The following AUTS2 variants were observed in gnomAD, a reference collection of about 807,000 sequenced individuals.
The protein encoded by AUTS2 is autism susceptibility gene 2 protein.
Under a neutral mutation model 112.4 loss-of-function variants are expected in AUTS2, and 17 were observed. That is an observed-to-expected ratio of 0.15 (90% CI 0.10 to 0.23). The LOEUF is 0.23. Among genes scored for constraint, AUTS2 ranks in the 10% least tolerant of loss-of-function variants. The probability of loss-of-function intolerance (pLI) is 1.00; values close to 1 mark genes in which losing one functional copy is unlikely to be tolerated. For synonymous variants in AUTS2, 751 were observed against 702.7 expected (o/e 1.07, Z -1.09); for missense variants, 1,510 against 1,701.6 (o/e 0.89, Z 1.98).
At chr7:69,998,678 T>C (rs975186550) in intron 2 of AUTS2, among the ~76,000 whole-genome samples, 1 of 152,204 alleles carries the variant, frequency 6.6e-6, no homozygotes, top group African/African-American at 2.4e-5. Context: ...AGACAAAATC[T>C]CTGCATTCGT....
chr7:70,653,826 T>C (rs1197281489), intron 5 of AUTS2, among the ~76,000 whole-genome samples: 1 of 152,208 alleles, frequency 6.6e-6, no homozygotes, highest in Admixed American at 6.5e-5. Context: ...CATGGGGACA[T>C]TGTAATCAGT....
chr7:69,821,107 C>T (rs983452135), intron 1 of AUTS2, among the ~76,000 whole-genome samples: 23 of 152,276 alleles, frequency 1.5e-4, no homozygotes, highest in African/African-American at 5.3e-4. Flanking sequence ...TGATAAGCTG[C>T]TCAACATAGA....
chr7:70,132,058 G>A (rs1185305102), intron 3 of AUTS2, among the ~76,000 whole-genome samples: 1 of 150,108 alleles, frequency 6.7e-6, no homozygotes, highest in African/African-American at 2.5e-5. Context: ...GGGAGGAAAT[G>A]TCAATGCCAT....
At chr7:69,888,901 G>T (rs2129538713) in intron 1 of AUTS2, among the ~76,000 whole-genome samples, 1 of 152,178 alleles carries the variant, frequency 6.6e-6, no homozygotes, top group Admixed American at 6.5e-5. Flanking sequence ...ATGAGTTTTG[G>T]AGGGGACAAA....
chr7:70,145,018 A>G (rs1807057644), intron 4 of AUTS2, among the ~76,000 whole-genome samples: 1 of 152,116 alleles, frequency 6.6e-6, no homozygotes, highest in South Asian at 2.1e-4. Context: ...TGTTGCTTTT[A>G]GTTCCACACT....
chr7:70,478,584 C>T (rs1797669593), intron 5 of AUTS2, among the ~76,000 whole-genome samples: 1 of 152,150 alleles, frequency 6.6e-6, no homozygotes, highest in African/African-American at 2.4e-5. Context: ...TTATCCTTTT[C>T]TTACCTGTAT....
intron 5 of AUTS2, among the ~76,000 whole-genome samples, chr7:70,555,368 G>C (rs372613668): frequency 6.6e-6 from 1 of 152,206 alleles, no homozygotes; most frequent in Non-Finnish European, 1.5e-5. Flanking sequence ...AGTTAGACAG[G>C]TTGCTTTCAT....
intron 6 of AUTS2, among the ~76,000 whole-genome samples, chr7:70,702,138 A>G (rs1361971448): frequency 6.6e-6 from 1 of 152,252 alleles, no homozygotes; most frequent in Admixed American, 6.5e-5. Context: ...CAAGATAATG[A>G]ATCTTTCCTA....
intron 4 of AUTS2, among the ~76,000 whole-genome samples, chr7:70,146,659 G>C (rs1338829721): frequency 6.6e-6 from 1 of 152,066 alleles, no homozygotes; most frequent in Non-Finnish European, 1.5e-5. Context: ...TTGCTTCACT[G>C]ATTGCTAAAC....
chr7:69,622,745 G>T (rs1047416934), intron 1 of AUTS2, among the ~76,000 whole-genome samples: 1 of 152,180 alleles, frequency 6.6e-6, no homozygotes, highest in Admixed American at 6.5e-5. Flanking sequence ...TTTTAGGGAA[G>T]ATATTGTAAT....
At chr7:69,623,236 A>T (rs891344279) in intron 1 of AUTS2, among the ~76,000 whole-genome samples, 1 of 151,962 alleles carries the variant, frequency 6.6e-6, no homozygotes, top group Admixed American at 6.6e-5. Flanking sequence ...GGGGTTTGTG[A>T]CAGGGGGACA....
chr7:69,967,688 G>T (rs1031381237), intron 2 of AUTS2, among the ~76,000 whole-genome samples: 1 of 152,150 alleles, frequency 6.6e-6, no homozygotes, highest in African/African-American at 2.4e-5. Flanking sequence ...TTTCTCCAGC[G>T]CTATATTGTG....
chr7:70,122,932 G>A (rs573865990), intron 3 of AUTS2, among the ~76,000 whole-genome samples: 42 of 144,500 alleles, frequency 2.9e-4, no homozygotes, highest in African/African-American at 1.1e-3. Flanking sequence ...CTGGAGTGCA[G>A]CAGCACAATC....
intron 9 of AUTS2, among the ~76,000 whole-genome samples, chr7:70,767,399 T>G (rs1790011079): frequency 6.6e-6 from 1 of 152,250 alleles, no homozygotes; most frequent in African/African-American, 2.4e-5. Context: ...TGAATTATAC[T>G]TAACAATTAG....
chr7:69,734,011 C>T (rs780470720), intron 1 of AUTS2, among the ~76,000 whole-genome samples: 4 of 152,102 alleles, frequency 2.6e-5, no homozygotes, highest in Admixed American at 6.6e-5. Context: ...ATTTATAATG[C>T]AATAGCTCTG....
intron 4 of AUTS2, among the ~76,000 whole-genome samples, chr7:70,261,875 C>T (rs1477479050): frequency 1.3e-5 from 2 of 152,146 alleles, no homozygotes; most frequent in African/African-American, 4.8e-5. Context: ...CCATTTTGTT[C>T]TCTAGATTCA....
At chr7:70,512,115 G>A (rs948103862) in intron 5 of AUTS2, among the ~76,000 whole-genome samples, 20 of 152,204 alleles carry the variant, frequency 1.3e-4, no homozygotes, top group Non-Finnish European at 1.5e-5. Flanking sequence ...TGTTTCAGCT[G>A]TGAATATGGG....
chr7:70,697,287 A>G lies in AUTS2; in HGVS notation c.691-1282A>G, dbSNP rs548071855. Among the ~76,000 whole-genome samples the G allele has an allele frequency of 2.1e-4, 32 of 152,334 alleles. No homozygotes were observed. In the East Asian group the frequency reaches 3.9e-3, roughly 18 times the overall value. Reference sequence around the variant, plus strand: ...TGCATGTATAAATGTATGCACTTCAATGTTCGTTTTGCACATACATTCATT... The same window carrying G: ...TGCATGTATAAATGTATGCACTTCAGTGTTCGTTTTGCACATACATTCATT... On this transcript the variant is annotated intron_variant, in intron 5 of 18. Transcript: ENST00000342771.
In AUTS2 at chr7:70,716,636, C is replaced by CAAAAAAAAAAAA. The variant is rs34972760; in HGVS notation, c.742+18034_742+18045dup. Reference sequence around the variant, plus strand: ...TGGGTGACAGAGCGAGACTCCGTCTCAAAAAAAAAAAAAAAAAAAAAAAAA... The same window carrying CAAAAAAAAAAAA: ...TGGGTGACAGAGCGAGACTCCGTCTCAAAAAAAAAAAAAAAAAAAAAAAAAAAAAAAAAAAAA... On this transcript the variant is annotated intron_variant, in intron 6 of 18. Transcript: ENST00000342771. Among the ~76,000 whole-genome samples the CAAAAAAAAAAAA allele has an allele frequency of 1.7e-4, 11 of 64,940 alleles. 1 individual carries two copies. Among genetic ancestry groups the CAAAAAAAAAAAA allele is most frequent in the African/African-American group, 3.9e-4 (6 of 15,264 alleles). The allele number at this position is 64,940 out of a possible 152,430, so 42.6% of individuals were successfully genotyped here. A position where few individuals can be genotyped will look rare whatever the true frequency, so the allele number is the denominator to read the frequency against.
Sources: allele counts gnomAD v4.1 joint callset (sites outside exome capture counted in the v4.1 genomes callset), GRCh38; gene constraint gnomAD v4.1.1; transcripts MANE v1.5; gene names NCBI Gene and HGNC (gene_info 2026-07-23, HGNC 2026-07-21).